The following VASP variants were observed in gnomAD, a reference collection of about 807,000 sequenced individuals.
VASP encodes the protein vasodilator stimulated phosphoprotein.
A neutral mutation model predicts 54.4 loss-of-function variants in VASP; 27 were observed. The ratio of observed to expected loss-of-function variants is 0.50; its 90% CI spans 0.37 to 0.68. VASP has a LOEUF of 0.68. Among genes scored for constraint, VASP ranks in the 30% least tolerant of loss-of-function variants. The pLI is 0.00. For missense variants in VASP, 488 were observed against 528.3 expected (o/e 0.92, Z 0.75); for synonymous variants, 233 against 209.8 (o/e 1.11, Z -0.96).
At chr19:45,523,742 G>T (rs777792620) in intron 8 of VASP, 47 bp downstream of exon 8, 1 of 1,613,986 alleles carries the variant, frequency 6.2e-7, no homozygotes, top group South Asian at 1.1e-5. Flanking sequence ...GCCGTACCAT[G>T]AGGGTAGGGA....
At chr19:45,523,963 C>T (rs1411879681) in intron 9 of VASP, 86 bp downstream of exon 9, 1 of 1,609,266 alleles carries the variant, frequency 6.2e-7, no homozygotes, top group Non-Finnish European at 8.5e-7. Flanking sequence ...ATAGGAGAGT[C>T]AGGGCGAATG....
At chr19:45,522,112 T>A (rs1968848378) in intron 4 of VASP, 56 bp from the exon 5 acceptor site, 1 of 1,609,882 alleles carries the variant, frequency 6.2e-7, no homozygotes, top group Non-Finnish European at 8.5e-7. Flanking sequence ...GCTGGCCCCT[T>A]CGCTGGCCAT....
intron 1 of VASP, among the ~76,000 whole-genome samples, chr19:45,508,276 C>T (rs1179270826): frequency 3.9e-5 from 6 of 152,214 alleles, no homozygotes; most frequent in African/African-American, 1.4e-4. Flanking sequence ...CCAAGTGGGA[C>T]CGCGCTCCAT....
intron 1 of VASP, among the ~76,000 whole-genome samples, chr19:45,514,421 G>C (rs1968660879): frequency 6.6e-6 from 1 of 152,036 alleles, no homozygotes; most frequent in East Asian, 1.9e-4. Flanking sequence ...GGGTCTCACT[G>C]TGTTGCCCAG....
chr19:45,508,531 G>C (rs1196161467), intron 1 of VASP, among the ~76,000 whole-genome samples: 3 of 151,938 alleles, frequency 2.0e-5, no homozygotes, highest in Admixed American at 6.5e-5. Context: ...CCCCACCTGC[G>C]CGGCCCTGGA....
intron 1 of VASP, among the ~76,000 whole-genome samples, chr19:45,511,761 TAAG>T (rs1968604216): frequency 6.6e-6 from 1 of 152,176 alleles, no homozygotes; most frequent in Non-Finnish European, 1.5e-5. Flanking sequence ...CAACCCATGA[TAAG>T]AAAACAAATA....
rs1362693485 is a variant in VASP at position 45,522,824 on chromosome 19, C to T, written c.821+6C>T. 1.2e-6 allele frequency: 2 copies of T among 1,603,674 alleles called. No individual in the cohort carries two copies. The highest frequency in any genetic ancestry group is 1.7e-6 in the Non-Finnish European group (2 of 1,176,338). ...AACGCCATGCTGGCCCGGAGGTGAG[C>T]CTGAGCCTGGACCCCCAAGTCACCT... On this transcript the variant is annotated splice_donor_region_variant and intron_variant, in intron 7 of 12. Coordinates refer to ENST00000245932, the MANE Select transcript of VASP (RefSeq NM_003370.4).
chr19:45,526,051 G>T, intron 12 of VASP, 48 bp downstream of exon 12: 1 of 1,613,488 alleles, frequency 6.2e-7, no homozygotes, highest in East Asian at 2.2e-5. Flanking sequence ...ACTTATTTTG[G>T]AGGCATCATG....
Position 45,522,460 on chromosome 19 carries a change from C to A in VASP, c.599C>A (p.Ala200Glu). 1 of 1,496,294 alleles carries A rather than the reference C, an allele frequency of 6.7e-7. No individual in the cohort carries two copies. Among genetic ancestry groups the A allele is most frequent in the Non-Finnish European group, 8.9e-7 (1 of 1,124,126 alleles). The allele number at this position is 1,496,294 out of a possible 1,614,324, so 92.7% of individuals were successfully genotyped here. The change falls in exon 6 of 13, where the codon GCA becomes GAA. Residue 200 changes from alanine (A) to glutamate (E), a missense_variant. By Grantham distance (107) the Ala-to-Glu change is moderately radical. Coordinates refer to ENST00000245932, the MANE Select transcript of VASP (RefSeq NM_003370.4). The stretch of plus-strand genomic sequence containing the variant: ...GGGGTCCCAGCTGCAGCGCACGGAG[C>A]AGGGGGAGGACCACCCCCTGCACCC... ...PSGVPAAAHG[A>E]GGGPPPAPPL... is the part of the protein sequence containing the mutation.
chr19:45,512,261 C>CT (rs1269574006), intron 1 of VASP, among the ~76,000 whole-genome samples: 2 of 151,962 alleles, frequency 1.3e-5, no homozygotes, highest in African/African-American at 4.8e-5. Context: ...TATCACCACT[C>CT]TGAGTGCAGA....
At chr19:45,525,749 G>A (rs1968947665) in intron 11 of VASP, 197 bp from the exon 12 acceptor site, 1 of 530,350 alleles carries the variant, frequency 1.9e-6, no homozygotes, top group Non-Finnish European at 3.4e-6. Flanking sequence ...GGTGACTGTG[G>A]TCCCAGCTAC....
chr19:45,513,058 G>C (rs150473653), intron 1 of VASP, among the ~76,000 whole-genome samples: 2 of 151,846 alleles, frequency 1.3e-5, no homozygotes, highest in Non-Finnish European at 2.9e-5. Context: ...GTGTGATCTG[G>C]GGCAAGTGCC....
chr19:45,524,955 C>A (rs996121820), intron 11 of VASP: 1 of 330,864 alleles, frequency 3.0e-6, no homozygotes, highest in Admixed American at 3.9e-5. Context: ...CTGGAATGCG[C>A]TTGCCAACCT....
chr19:45,522,801 C>A lies in VASP; in HGVS notation c.804C>A (p.Asn268Lys). Residue 268 changes from asparagine to lysine, a missense_variant, in exon 7 of 13, where the codon AAC becomes AAA. Asn to Lys is a moderately conservative substitution (Grantham distance 94). This residue lies in a region of VASP where 9 missense variants were observed against 26.9 expected (regional missense o/e 0.33). Transcript: ENST00000245932. ...SGGGGLMEEM[N>K]AMLARRRKAT... The stretch of plus-strand genomic sequence containing the variant: ...GTGGGGGACTCATGGAAGAGATGAA[C>A]GCCATGCTGGCCCGGAGGTGAGCCT... 6.2e-7 allele frequency: 1 copy of A among 1,605,806 alleles called. No individual in the cohort carries two copies. Among genetic ancestry groups the A allele is most frequent in the Non-Finnish European group, 8.5e-7 (1 of 1,177,242 alleles).
At chr19:45,521,649 G>A (rs1454881967) in intron 4 of VASP, among the ~76,000 whole-genome samples, 1 of 152,230 alleles carries the variant, frequency 6.6e-6, no homozygotes, top group African/African-American at 2.4e-5. Context: ...AGCACTCTGG[G>A]AGGCCGAGGC....
intron 10 of VASP, 98 bp from the exon 11 acceptor site, chr19:45,524,472 T>C: frequency 7.8e-7 from 1 of 1,276,284 alleles, no homozygotes. Flanking sequence ...TTGCCCAATT[T>C]ATAAGGCAGA....
chr19:45,515,713 G>A (rs1023794698), intron 1 of VASP, among the ~76,000 whole-genome samples: 6 of 151,966 alleles, frequency 3.9e-5, no homozygotes, highest in African/African-American at 1.4e-4. Flanking sequence ...ATCTTTGTAC[G>A]TTTTTGTAGA....
intron 1 of VASP, among the ~76,000 whole-genome samples, chr19:45,515,224 G>A (rs1968678557): frequency 6.6e-6 from 1 of 152,082 alleles, no homozygotes; most frequent in African/African-American, 2.4e-5. Flanking sequence ...CTTTGCGGGG[G>A]GTGTCTAATT....
At position 45,526,428 on chromosome 19, in the gene VASP, C is replaced by T. The variant is rs930654312; in HGVS notation, c.*251C>T. On this transcript the variant is annotated 3_prime_UTR_variant, in exon 13 of 13. Transcript: ENST00000245932. ...TTCCCCTCTGCCATCCCCTTGGGGCCGGTCCCTCTGCTGGGGATGCACCAA... is the reference window on the plus strand; with the variant it reads ...TTCCCCTCTGCCATCCCCTTGGGGCTGGTCCCTCTGCTGGGGATGCACCAA... 41 of 454,806 alleles carry T rather than the reference C, an allele frequency of 9.0e-5. No homozygotes were observed. The highest frequency in any genetic ancestry group is 7.5e-4 in the African/African-American group (37 of 49,138). The allele number at this position is 454,806 out of a possible 1,614,324, so 28.2% of individuals were successfully genotyped here. A position where few individuals can be genotyped will look rare whatever the true frequency, so the allele number is the denominator to read the frequency against.
Sources: allele counts gnomAD v4.1 joint callset (sites outside exome capture counted in the v4.1 genomes callset), GRCh38; gene constraint gnomAD v4.1.1; regional missense constraint gnomAD v4.1.1; transcripts MANE v1.5; gene names NCBI Gene and HGNC (gene_info 2026-07-23, HGNC 2026-07-21).